Variants in CACNA1C observed in about 807,000 individuals in gnomAD.
The protein encoded by CACNA1C is voltage-dependent L-type calcium channel subunit alpha-1C.
Under a neutral mutation model 229.0 loss-of-function variants are expected in CACNA1C, and 30 were observed. The observed-to-expected ratio is 0.13, with a 90% CI of 0.10 to 0.18. The LOEUF is 0.18. Ranked by LOEUF, CACNA1C falls within the 10% of genes least tolerant of loss-of-function variation. CACNA1C has a pLI of 1.00. For synonymous variants in CACNA1C, 1,114 were observed against 1,132.5 expected, an observed-to-expected ratio of 0.98 and a Z score of 0.33; for missense variants, 1,658 against 2,845.0, an observed-to-expected ratio of 0.58 and a Z score of 9.49.
intron 3 of CACNA1C, among the ~76,000 whole-genome samples, chr12:2,157,114 C>T (rs1384816098): frequency 6.6e-6 from 1 of 152,136 alleles, no homozygotes; most frequent in African/African-American, 2.4e-5. Flanking sequence ...ATTGGTTCAA[C>T]GTTTGTATTC....
chr12:2,135,324 A>C (rs1324836049), intron 3 of CACNA1C, among the ~76,000 whole-genome samples: 1 of 146,692 alleles, frequency 6.8e-6, no homozygotes, highest in Non-Finnish European at 1.5e-5. Context: ...GTCATTCTCC[A>C]TCCAGCTTTG....
intron 5 of CACNA1C, among the ~76,000 whole-genome samples, chr12:2,462,077 A>C (rs1597060463): frequency 1.4e-5 from 2 of 145,774 alleles, no homozygotes; most frequent in Admixed American, 6.8e-5. Context: ...CACCCCCTTC[A>C]CCCTCCCCTC....
At chr12:2,083,758 G>C (rs1436261971) in intron 1 of CACNA1C, among the ~76,000 whole-genome samples, 1 of 152,190 alleles carries the variant, frequency 6.6e-6, no homozygotes, top group Non-Finnish European at 1.5e-5. Context: ...AGAACCACAA[G>C]AGCTGTCAAT....
intron 8 of CACNA1C, among the ~76,000 whole-genome samples, chr12:2,509,867 A>G (rs1351042730): frequency 1.3e-5 from 2 of 152,230 alleles, no homozygotes; most frequent in Non-Finnish European, 2.9e-5. Flanking sequence ...ACATGTCCAC[A>G]GATGACTGAA....
chr12:2,400,119 T>G (rs1357428800), intron 3 of CACNA1C, among the ~76,000 whole-genome samples: 1 of 152,202 alleles, frequency 6.6e-6, no homozygotes, highest in African/African-American at 2.4e-5. Flanking sequence ...ATCTCATTTA[T>G]TCCTCACTAC....
At position 2,254,867 on chromosome 12, in the gene CACNA1C, C is replaced by T. The variant is rs529143648; in HGVS notation, c.477+134437C>T. On this transcript the variant is annotated intron_variant, in intron 3 of 46. Coordinates refer to ENST00000399655, the MANE Select transcript of CACNA1C (RefSeq NM_000719.7). Reference sequence around the variant, plus strand: ...AGAAAAAGATCTTTTCATATCCCCCCGTCCTCTCTTCACTTGGATGGCAGT... The same window carrying T: ...AGAAAAAGATCTTTTCATATCCCCCTGTCCTCTCTTCACTTGGATGGCAGT... 9.2e-5 allele frequency among the ~76,000 whole-genome samples: 14 copies of T among 152,324 alleles called. No homozygotes were observed. The East Asian group carries it at 1.5e-3, about 17-fold the overall frequency.
intron 13 of CACNA1C, among the ~76,000 whole-genome samples, chr12:2,568,335 G>A (rs2052398264): frequency 6.6e-6 from 1 of 152,150 alleles, no homozygotes; most frequent in African/African-American, 2.4e-5. Context: ...CAATGACATG[G>A]AGAAATTGGA....
chr12:2,102,638 T>C (rs2076848185), intron 1 of CACNA1C, among the ~76,000 whole-genome samples: 1 of 152,180 alleles, frequency 6.6e-6, no homozygotes, highest in Non-Finnish European at 1.5e-5. Context: ...AGAATGTGCT[T>C]GTTTGTTACA....
chr12:2,594,380 C>A (rs1182348393), intron 19 of CACNA1C, among the ~76,000 whole-genome samples: 1 of 152,212 alleles, frequency 6.6e-6, no homozygotes, highest in Non-Finnish European at 1.5e-5. Context: ...TCTTACATAT[C>A]TTTCATCTCC....
At position 2,388,444 on chromosome 12, in the gene CACNA1C, A is replaced by G. The variant is rs537673052; in HGVS notation, c.478-60532A>G. On this transcript the variant is annotated intron_variant, in intron 3 of 46. Coordinates refer to ENST00000399655, the MANE Select transcript of CACNA1C (RefSeq NM_000719.7). ...AATAATATGCAGTTGTTATTTGTCA[A>G]TTATACCTTAATAAAGCTGGGGAAA... Among the ~76,000 whole-genome samples the G allele has an allele frequency of 3.3e-5, 5 of 152,342 alleles. No homozygotes were observed. In the East Asian group the frequency reaches 7.7e-4, roughly 24 times the overall value.
chr12:2,243,857 A>G (rs1201634669), intron 3 of CACNA1C, among the ~76,000 whole-genome samples: 2 of 152,240 alleles, frequency 1.3e-5, no homozygotes, highest in Non-Finnish European at 2.9e-5. Flanking sequence ...ATATTCCTTT[A>G]TAACAGTACT....
chr12:2,129,127 A>T (rs2091384772), intron 3 of CACNA1C, among the ~76,000 whole-genome samples: 1 of 152,226 alleles, frequency 6.6e-6, no homozygotes, highest in Non-Finnish European at 1.5e-5. Context: ...CCTTTGGGAA[A>T]TGCTGCTCTG....
rs1844487588 is a variant in CACNA1C, at chr12:2,504,036, C to T, written c.1114-806C>T. On this transcript the variant is annotated intron_variant, in intron 7 of 46. Transcript: ENST00000399655. This position sits in a 1 kb window ranked among gnomAD's most constrained non-coding sequence, Gnocchi z 6.8. ...TCAGCAGGAGCTGACGCACTTCATA[C>T]ACCAAGGTCAGGGGCCTCCGGGTGC... 6.6e-6 allele frequency among the ~76,000 whole-genome samples: 1 copy of T among 152,244 alleles called. No homozygotes were observed. The highest frequency in any genetic ancestry group is 1.5e-5 in the Non-Finnish European group (1 of 68,044).
At chr12:2,306,970 G>A (rs1470298926) in intron 3 of CACNA1C, among the ~76,000 whole-genome samples, 2 of 152,146 alleles carry the variant, frequency 1.3e-5, no homozygotes, top group African/African-American at 2.4e-5. Flanking sequence ...CCCCAGCCCC[G>A]TGACTAGCCT....
chr12:2,520,718 G>A (rs112544169), intron 9 of CACNA1C, among the ~76,000 whole-genome samples: 14 of 131,264 alleles, frequency 1.1e-4, no homozygotes, highest in Admixed American at 5.0e-4. Flanking sequence ...ACCAATGGCC[G>A]TGTGCTTCAT....
chr12:2,582,034 G>A (rs1393683005), intron 14 of CACNA1C, among the ~76,000 whole-genome samples: 1 of 151,814 alleles, frequency 6.6e-6, no homozygotes, highest in Non-Finnish European at 1.5e-5. Flanking sequence ...GTTTAAAAAT[G>A]CCTTCTCAGG....
Position 2,215,044 on chromosome 12 carries a change from G to A in CACNA1C, c.477+94614G>A, listed in dbSNP as rs186125830. Among the ~76,000 whole-genome samples, 70 of 152,238 alleles carry A rather than the reference G, an allele frequency of 4.6e-4. No homozygotes were observed. The highest frequency in any genetic ancestry group is 5.9e-4 in the Admixed American group (9 of 15,300). On this transcript the variant is annotated intron_variant, in intron 3 of 46. Coordinates refer to ENST00000399655, the MANE Select transcript of CACNA1C (RefSeq NM_000719.7). The surrounding 1 kb of genome is among the most constrained non-coding windows in gnomAD (Gnocchi z 5.0). The stretch of plus-strand genomic sequence containing the variant: ...CATGGGTGTGAAGTCGGGAGGAGCC[G>A]GAGGCAGTGAGGACCTGCATTGCAG...
intron 9 of CACNA1C, among the ~76,000 whole-genome samples, chr12:2,538,135 C>T (rs1599301506): frequency 6.6e-6 from 1 of 152,184 alleles, no homozygotes; most frequent in South Asian, 2.1e-4. Flanking sequence ...ATTATGGCTG[C>T]AGATCAAGGG....
intron 3 of CACNA1C, among the ~76,000 whole-genome samples, chr12:2,256,072 T>TAGTTTACAATCACACTATCCTGACCTG (rs2077532355): frequency 1.5e-4 from 1 of 6,784 alleles, no homozygotes; most frequent in African/African-American, 6.3e-4. Flanking sequence ...ATCCTGACCT[T>TAGTTTACAATCACACTATCCTGACCTG]ACTAGTTTAC....
Sources: allele counts gnomAD v4.1 joint callset (sites outside exome capture counted in the v4.1 genomes callset), GRCh38; gene constraint gnomAD v4.1.1; non-coding constraint Gnocchi (gnomAD v3.1); transcripts MANE v1.5; gene names NCBI Gene and HGNC (gene_info 2026-07-23, HGNC 2026-07-21).